The following TRRAP variants were observed in gnomAD, a reference collection of about 807,000 sequenced individuals.
TRRAP encodes the protein transformation/transcription domain-associated protein.
A neutral mutation model predicts 438.8 loss-of-function variants in TRRAP; 41 were observed. The ratio of observed to expected loss-of-function variants is 0.09; its 90% CI spans 0.07 to 0.12. The LOEUF (loss-of-function observed/expected upper bound fraction) is 0.12, where lower values mean the gene tolerates loss of function less well. Ranked by LOEUF, TRRAP falls within the 10% of genes least tolerant of loss-of-function variation. TRRAP has a pLI of 1.00. For synonymous variants in TRRAP, 1,994 were observed against 1,962.9 expected, an observed-to-expected ratio of 1.02 and a Z score of -0.42; for missense variants, 3,122 against 5,055.1, an observed-to-expected ratio of 0.62 and a Z score of 11.60.
At chr7:98,891,007 G>T (rs1554404767) in intron 4 of TRRAP, among the ~76,000 whole-genome samples, 1 of 150,346 alleles carries the variant, frequency 6.7e-6, no homozygotes, top group African/African-American at 2.4e-5. Flanking sequence ...TGTTGCCCAG[G>T]CTGGTCTTGA....
chr7:98,933,511 G>A, intron 27 of TRRAP, 109 bp downstream of exon 27: 1 of 1,431,344 alleles, frequency 7.0e-7, no homozygotes, highest in Non-Finnish European at 9.3e-7. Flanking sequence ...GCTCGGGCGG[G>A]GACCTGCAGG....
At chr7:98,968,611 A>C (rs974387030) in intron 51 of TRRAP, among the ~76,000 whole-genome samples, 6 of 152,156 alleles carry the variant, frequency 3.9e-5, no homozygotes, top group African/African-American at 1.4e-4. Flanking sequence ...AGTGCTGTGC[A>C]GGTAGTTCTC....
In TRRAP at chr7:99,011,121, C is replaced by A. The variant is rs776487876; in HGVS notation, c.11008C>A (p.Leu3670Met). ...GCGCAGCATGCTCAAGGAGTGGGCG[C>A]TGCACACCTTCCCCAATGCCACGGA... ...VPRSMLKEWA[L>M]HTFPNATDYW... The change falls in exon 71 of 73, where the codon CTG (leucine) becomes ATG (methionine). Residue 3670 changes from leucine (L) to methionine (M), a missense_variant. Leu to Met is a conservative substitution (Grantham distance 15). Coordinates refer to ENST00000456197, the MANE Select transcript of TRRAP (RefSeq NM_001375524.1). The surrounding 1 kb of genome is among the most constrained non-coding windows in gnomAD (Gnocchi z 7.1). The A allele has an allele frequency of 6.2e-7, 1 of 1,614,176 alleles. No homozygotes were observed. Among genetic ancestry groups the A allele is most frequent in the East Asian group, 2.2e-5 (1 of 44,878 alleles).
chr7:98,952,316 G>A (rs1210535807), intron 39 of TRRAP, among the ~76,000 whole-genome samples: 1 of 152,086 alleles, frequency 6.6e-6, no homozygotes, highest in Non-Finnish European at 1.5e-5. Flanking sequence ...TTTGAACGTA[G>A]ACATTTTTCC....
rs782125130 is a variant in TRRAP, at chr7:98,890,361, T to C, written c.177T>C (p.Ser59=). The change falls in exon 4 of 73, where the codon TCT becomes TCC. Residue 59 remains serine (S), a synonymous_variant. Coordinates refer to ENST00000456197, the MANE Select transcript of TRRAP (RefSeq NM_001375524.1). ...ATGTCACGTCATCTCCTCAGTATTC[T>C]ACATTCCTAGAACATATCATCCCTC... ...FENVTSSPQY[S]TFLEHIIPRF... The C allele has an allele frequency of 8.1e-6, 13 of 1,595,926 alleles. No homozygotes were observed. The Admixed American group carries it at 2.3e-4, about 29-fold the overall frequency.
chr7:98,895,697 C>T (rs1260863213), intron 6 of TRRAP, 67 bp from the exon 7 acceptor site: 2 of 1,365,118 alleles, frequency 1.5e-6, no homozygotes, highest in Non-Finnish European at 2.0e-6. Flanking sequence ...TACAACTTTT[C>T]TTATTTATTA....
chr7:98,914,947 C>T (rs1411396147), intron 18 of TRRAP, among the ~76,000 whole-genome samples: 1 of 151,610 alleles, frequency 6.6e-6, no homozygotes, highest in African/African-American at 2.4e-5. Context: ...AAAAAATTTT[C>T]ATGTTAAACT....
intron 67 of TRRAP, among the ~76,000 whole-genome samples, chr7:98,995,799 A>G (rs1272172329): frequency 4.0e-5 from 6 of 149,808 alleles, no homozygotes; most frequent in African/African-American, 1.5e-4. Context: ...CCCATGTCCC[A>G]TCTACACACC....
At chr7:98,935,821 GTATGTTT>G (rs1790529710) in intron 28 of TRRAP, 146 bp downstream of exon 28, 1 of 550,594 alleles carries the variant, frequency 1.8e-6, no homozygotes, top group Non-Finnish European at 3.1e-6. Context: ...AATTATTTTT[GTATGTTT>G]ATCAAACTGT....
intron 47 of TRRAP, 66 bp downstream of exon 47, chr7:98,962,493 G>T (rs942972039): frequency 6.2e-7 from 1 of 1,607,494 alleles, no homozygotes; most frequent in East Asian, 2.2e-5. Context: ...CTCACTGGAC[G>T]TGCTTCCCTT....
At chr7:98,879,030 C>T (rs533731177) in intron 1 of TRRAP, among the ~76,000 whole-genome samples, 32 of 151,986 alleles carry the variant, frequency 2.1e-4, no homozygotes, top group African/African-American at 7.7e-4. Flanking sequence ...CTGGCACCTC[C>T]GGGCCTCTAC....
chr7:98,889,847 G>C (rs1041113386), intron 3 of TRRAP, among the ~76,000 whole-genome samples: 10 of 152,236 alleles, frequency 6.6e-5, no homozygotes, highest in Non-Finnish European at 1.2e-4. Flanking sequence ...GAGCTACAGT[G>C]CCCAGCCCTT....
At chr7:98,945,687 G>A (rs1791020645) in intron 31 of TRRAP, 60 bp from the exon 32 acceptor site, 2 of 1,581,878 alleles carry the variant, frequency 1.3e-6, no homozygotes, top group Non-Finnish European at 1.7e-6. Context: ...TTGAGTATGT[G>A]GGAAGTTTTT....
At chr7:98,929,290 G>A (rs1443497520) in intron 23 of TRRAP, among the ~76,000 whole-genome samples, 1 of 152,110 alleles carries the variant, frequency 6.6e-6, no homozygotes, top group Non-Finnish European at 1.5e-5. Flanking sequence ...ATCTCATTAT[G>A]TTGCTCAGGC....
intron 45 of TRRAP, among the ~76,000 whole-genome samples, chr7:98,960,662 G>A (rs1021558138): frequency 2.0e-5 from 3 of 152,054 alleles, no homozygotes; most frequent in Non-Finnish European, 4.4e-5. Context: ...CACAGTCTTG[G>A]CTCACTGCAA....
rs1248572610 is a variant in TRRAP, at chr7:98,967,686, G to A, written c.7500G>A (p.Lys2500=). 6 of 1,613,588 alleles carry A rather than the reference G, an allele frequency of 3.7e-6. No individual in the cohort carries two copies. Among genetic ancestry groups the A allele is most frequent in the Admixed American group, 3.3e-5 (2 of 60,002 alleles). Residue 2500 remains lysine (K), a synonymous_variant, in exon 51 of 73, where the codon AAG becomes AAA. Coordinates refer to ENST00000456197, the MANE Select transcript of TRRAP (RefSeq NM_001375524.1). The part of the protein sequence containing the change: ...WEAMGNHFWI[K]QCIELLLAVC... ...CCATGGGGAACCACTTCTGGATCAA[G>A]CAGTGCATTGAGGTAGGAAGACTCG...
At chr7:98,929,278 G>T (rs1392103991) in intron 23 of TRRAP, among the ~76,000 whole-genome samples, 1 of 152,114 alleles carries the variant, frequency 6.6e-6, no homozygotes, top group Non-Finnish European at 1.5e-5. Context: ...TTATGGAGAT[G>T]CATCTCATTA....
In TRRAP at chr7:98,976,758, C is replaced by T; in HGVS notation, c.8235C>T (p.Thr2745=). The T allele has an allele frequency of 6.2e-7, 1 of 1,613,064 alleles. No homozygotes were observed. The highest frequency in any genetic ancestry group is 8.5e-7 in the Non-Finnish European group (1 of 1,179,434). ...AGTTTTATGAGCAGGAGAGCATCACCCCGCCGCAGCAGGTGAGGGTGCGCC... is the reference window on the plus strand; with the variant it reads ...AGTTTTATGAGCAGGAGAGCATCACTCCGCCGCAGCAGGTGAGGGTGCGCC... The part of the protein sequence containing the change: ...TTEFYEQESI[T]PPQQEILDSL... The change falls in exon 55 of 73, where the codon ACC becomes ACT. Residue 2745 remains threonine, a synonymous_variant. Transcript: ENST00000456197. The surrounding 1 kb of genome is among the most constrained non-coding windows in gnomAD (Gnocchi z 4.6).
At chr7:98,949,297 C>A in intron 35 of TRRAP, 120 bp from the exon 36 acceptor site, 1 of 1,212,088 alleles carries the variant, frequency 8.3e-7, no homozygotes, top group Non-Finnish European at 1.1e-6. Flanking sequence ...TTTTGGTAAG[C>A]CTTCTTTGAG....
Sources: allele counts gnomAD v4.1 joint callset (sites outside exome capture counted in the v4.1 genomes callset), GRCh38; gene constraint gnomAD v4.1.1; non-coding constraint Gnocchi (gnomAD v3.1); transcripts MANE v1.5; gene names NCBI Gene and HGNC (gene_info 2026-07-23, HGNC 2026-07-21).